PARP8: variants seen among roughly 807,000 people sequenced by gnomAD.
The protein encoded by PARP8 is protein mono-ADP-ribosyltransferase PARP8.
Under a neutral mutation model 124.1 loss-of-function variants are expected in PARP8, and 51 were observed. That is an observed-to-expected ratio of 0.41 (90% CI 0.33 to 0.52). The LOEUF (loss-of-function observed/expected upper bound fraction) is 0.52, where lower values mean the gene tolerates loss of function less well. Among genes scored for constraint, PARP8 ranks in the 20% least tolerant of loss-of-function variants. The probability of loss-of-function intolerance (pLI) is 0.21; values close to 1 mark genes in which losing one functional copy is unlikely to be tolerated. For missense variants in PARP8, 860 were observed against 1,018.9 expected (o/e 0.84, Z 2.12); for synonymous variants, 391 against 361.5 (o/e 1.08, Z -0.93).
intron 7 of PARP8, among the ~76,000 whole-genome samples, chr5:50,775,324 G>T (rs1739866408): frequency 2.6e-5 from 4 of 152,226 alleles, no homozygotes; most frequent in Admixed American, 2.6e-4. Flanking sequence ...GGAGGCCGAG[G>T]TGGGCAGATC....
At chr5:50,686,021 A>G (rs547533496) in intron 2 of PARP8, among the ~76,000 whole-genome samples, 7 of 152,212 alleles carry the variant, frequency 4.6e-5, no homozygotes, top group Non-Finnish European at 8.8e-5. Flanking sequence ...CACATTTCAA[A>G]ACCAATCATG....
At chr5:50,689,960 T>C (rs1752320491) in intron 2 of PARP8, among the ~76,000 whole-genome samples, 1 of 152,254 alleles carries the variant, frequency 6.6e-6, no homozygotes, top group African/African-American at 2.4e-5. Flanking sequence ...TGGTTCCTAC[T>C]CAACAGCTAA....
At chr5:50,711,408 G>A (rs1391134969) in intron 2 of PARP8, among the ~76,000 whole-genome samples, 3 of 152,024 alleles carry the variant, frequency 2.0e-5, no homozygotes, top group Non-Finnish European at 4.4e-5. Flanking sequence ...TCCCCTAACT[G>A]ATTGATTCAG....
chr5:50,823,002 C>T (rs1745935526), intron 17 of PARP8, among the ~76,000 whole-genome samples: 1 of 152,192 alleles, frequency 6.6e-6, no homozygotes, highest in Non-Finnish European at 1.5e-5. Context: ...GAGACCTTTC[C>T]ACTGCCAAAG....
Position 50,819,292 on chromosome 5 carries a change from G to T in PARP8, c.1669-1921G>T, listed in dbSNP as rs78902216. The stretch of plus-strand genomic sequence containing the variant: ...CTTAAATATACTAGTAAAAATATTG[G>T]TCAAAAATGCATGGACTTTTATAAA... On this transcript the variant is annotated intron_variant, in intron 15 of 25. Transcript: ENST00000281631. 5.5e-3 allele frequency among the ~76,000 whole-genome samples: 840 copies of T among 151,984 alleles called. 6 individuals are homozygous for T. The highest frequency in any genetic ancestry group is 0.019 in the African/African-American group (787 of 41,450).
intron 15 of PARP8, among the ~76,000 whole-genome samples, chr5:50,819,466 G>A (rs1580452569): frequency 1.2e-5 from 1 of 81,562 alleles, no homozygotes; most frequent in African/African-American, 5.4e-5. Context: ...TTGAGACGGA[G>A]TTTTGCTCTT....
intron 2 of PARP8, among the ~76,000 whole-genome samples, chr5:50,723,512 T>C (rs1756122191): frequency 1.3e-5 from 2 of 152,006 alleles, no homozygotes; most frequent in African/African-American, 2.4e-5. Context: ...TTGTGTGTGG[T>C]TGATTTGTAT....
intron 2 of PARP8, among the ~76,000 whole-genome samples, chr5:50,695,925 T>C (rs1421492868): frequency 2.0e-5 from 3 of 152,190 alleles, no homozygotes; most frequent in Non-Finnish European, 4.4e-5. Flanking sequence ...TTGAATTTAC[T>C]GTTAATTTTT....
intron 23 of PARP8, 48 bp downstream of exon 23, chr5:50,832,902 T>C: frequency 6.5e-7 from 1 of 1,543,690 alleles, no homozygotes; most frequent in Non-Finnish European, 8.9e-7. Context: ...AACTGTGGCC[T>C]CATCAGCCAG....
intron 3 of PARP8, among the ~76,000 whole-genome samples, chr5:50,754,124 T>TATATATATATATATATATATAC (rs1759572864): frequency 1.3e-3 from 9 of 6,838 alleles, no homozygotes; most frequent in Admixed American, 0.011. Flanking sequence ...TTCATATATA[T>TATATATATATATATATATATAC]ATATATATAT....
At chr5:50,820,505 A>C (rs1745636810) in intron 15 of PARP8, among the ~76,000 whole-genome samples, 1 of 152,218 alleles carries the variant, frequency 6.6e-6, no homozygotes. Flanking sequence ...GTGCAGAAGA[A>C]TCATAGGATA....
intron 21 of PARP8, among the ~76,000 whole-genome samples, chr5:50,829,466 C>A (rs1746708039): frequency 6.6e-6 from 1 of 151,996 alleles, no homozygotes; most frequent in Non-Finnish European, 1.5e-5. Context: ...CTTATGTAAC[C>A]TGAAAAATGT....
intron 2 of PARP8, among the ~76,000 whole-genome samples, chr5:50,727,494 A>G (rs1274877521): frequency 1.3e-5 from 2 of 152,136 alleles, no homozygotes; most frequent in African/African-American, 4.8e-5. Context: ...TGTGGACTAT[A>G]TTGTTCAAAA....
intron 2 of PARP8, among the ~76,000 whole-genome samples, chr5:50,721,581 T>C (rs1755893220): frequency 6.6e-6 from 1 of 152,246 alleles, no homozygotes; most frequent in South Asian, 2.1e-4. Context: ...TGTATTGTTC[T>C]GTGCCTTTCA....
intron 15 of PARP8, among the ~76,000 whole-genome samples, chr5:50,816,039 G>GA (rs1008141076): frequency 6.7e-6 from 1 of 148,520 alleles, no homozygotes; most frequent in East Asian, 2.0e-4. Context: ...TCATCTATAA[G>GA]AAAAAAAATA....
intron 2 of PARP8, among the ~76,000 whole-genome samples, chr5:50,714,818 C>A (rs1233401531): frequency 6.6e-6 from 1 of 152,024 alleles, no homozygotes; most frequent in Admixed American, 6.6e-5. Flanking sequence ...AAGACTGGGG[C>A]TTTTCCAGGG....
intron 6 of PARP8, 34 bp downstream of exon 6, chr5:50,761,932 T>A (rs772336172): frequency 7.3e-7 from 1 of 1,372,444 alleles, no homozygotes; most frequent in South Asian, 1.2e-5. Flanking sequence ...TACCTAGTCT[T>A]AAAGTTCTAA....
chr5:50,762,699 C>T (rs13359044), intron 6 of PARP8, among the ~76,000 whole-genome samples: 16,390 of 152,196 alleles, frequency 0.11, 923 homozygotes, highest in South Asian at 0.16. Context: ...TATAATAAAA[C>T]GGGCTTTCCT....
chr5:50,694,551 T>C (rs1220531819), intron 2 of PARP8, among the ~76,000 whole-genome samples: 1 of 152,166 alleles, frequency 6.6e-6, no homozygotes, highest in Non-Finnish European at 1.5e-5. Context: ...GGCATTTCCT[T>C]AGGGTGGCTT....
Sources: allele counts gnomAD v4.1 joint callset (sites outside exome capture counted in the v4.1 genomes callset), GRCh38; gene constraint gnomAD v4.1.1; transcripts MANE v1.5; gene names NCBI Gene and HGNC (gene_info 2026-07-23, HGNC 2026-07-21).